KCTD16: variants seen among roughly 807,000 people sequenced by gnomAD.
KCTD16 encodes the protein potassium channel tetramerization domain containing 16, also known as BTB/POZ domain-containing protein KCTD16.
Under a neutral mutation model 33.2 loss-of-function variants are expected in KCTD16, and 13 were observed. The ratio of observed to expected loss-of-function variants is 0.39; its 90% CI spans 0.25 to 0.62. KCTD16 has a LOEUF of 0.62. Among genes scored for constraint, KCTD16 ranks in the 20% least tolerant of loss-of-function variants. The pLI, the probability that KCTD16 is intolerant of heterozygous loss-of-function variation, is 0.50. For missense variants in KCTD16, 441 were observed against 525.1 expected (o/e 0.84, Z 1.57); for synonymous variants, 197 against 195.3 (o/e 1.01, Z -0.07).
intron 3 of KCTD16, among the ~76,000 whole-genome samples, chr5:144,237,226 C>G (rs1016159487): frequency 3.9e-5 from 6 of 152,046 alleles, no homozygotes; most frequent in African/African-American, 1.4e-4. Context: ...ATATGAAGCA[C>G]TAAAATAATT....
Position 144,485,390 on chromosome 5 carries a change from T to C in KCTD16, c.*11276T>C, listed in dbSNP as rs1754785116. 1 of 151,944 alleles carries C rather than the reference T, an allele frequency of 6.6e-6. No individual in the cohort carries two copies. The highest frequency in any genetic ancestry group is 1.5e-5 in the Non-Finnish European group (1 of 67,910). The allele number at this position is 151,944 out of a possible 1,614,324, so 9.4% of individuals were successfully genotyped here. On this transcript the variant is annotated 3_prime_UTR_variant, in exon 4 of 4. Coordinates refer to ENST00000512467, the MANE Select transcript of KCTD16 (RefSeq NM_020768.4). ...CCAATGGAAACAAACTACTCTTTTCTTTGGATTCATTGATGGATATAAAAA... is the reference window on the plus strand; with the variant it reads ...CCAATGGAAACAAACTACTCTTTTCCTTGGATTCATTGATGGATATAAAAA...
intron 3 of KCTD16, among the ~76,000 whole-genome samples, chr5:144,253,417 G>T (rs899922806): frequency 3.9e-5 from 6 of 152,156 alleles, no homozygotes; most frequent in Non-Finnish European, 8.8e-5. Context: ...TGTTTCCTGT[G>T]TTCTTGTATC....
intron 3 of KCTD16, among the ~76,000 whole-genome samples, chr5:144,369,019 C>T (rs1218577842): frequency 6.6e-6 from 1 of 152,192 alleles, no homozygotes; most frequent in Non-Finnish European, 1.5e-5. Context: ...AGGACTGCCT[C>T]ATCATCCTGG....
intron 3 of KCTD16, among the ~76,000 whole-genome samples, chr5:144,439,708 C>A (rs1323029524): frequency 6.6e-6 from 1 of 152,132 alleles, no homozygotes; most frequent in Non-Finnish European, 1.5e-5. Context: ...CTGAGTGTGA[C>A]CCCAGAAGCC....
chr5:144,175,374 G>A (rs1752483159), intron 2 of KCTD16, among the ~76,000 whole-genome samples: 1 of 152,164 alleles, frequency 6.6e-6, no homozygotes, highest in African/African-American at 2.4e-5. Context: ...AAATGTGAAT[G>A]AAGAAAAGTC....
intron 2 of KCTD16, among the ~76,000 whole-genome samples, chr5:144,187,269 A>G (rs1752746546): frequency 6.6e-6 from 1 of 152,178 alleles, no homozygotes; most frequent in African/African-American, 2.4e-5. Context: ...CATTATTGTA[A>G]TAGTTGTTAC....
intron 3 of KCTD16, among the ~76,000 whole-genome samples, chr5:144,360,984 A>G (rs1751699115): frequency 6.6e-6 from 1 of 151,274 alleles, no homozygotes. Flanking sequence ...TACATGTGCC[A>G]TGCTGGTGTG....
At chr5:144,359,489 TAAG>T (rs1256786562) in intron 3 of KCTD16, among the ~76,000 whole-genome samples, 4 of 152,216 alleles carry the variant, frequency 2.6e-5, no homozygotes, top group Middle Eastern at 6.8e-3. Context: ...ATTATACTAA[TAAG>T]AAGTTTGCTG....
At chr5:144,295,135 A>G (rs1335648908) in intron 3 of KCTD16, among the ~76,000 whole-genome samples, 1 of 152,188 alleles carries the variant, frequency 6.6e-6, no homozygotes, top group Non-Finnish European at 1.5e-5. Context: ...AACTGCTTTT[A>G]ATCAAATAAA....
chr5:144,244,126 CT>C (rs1434565736), intron 3 of KCTD16, among the ~76,000 whole-genome samples: 1 of 152,166 alleles, frequency 6.6e-6, no homozygotes, highest in Non-Finnish European at 1.5e-5. Flanking sequence ...AGACTCCCCA[CT>C]CTTTGGGGGA....
intron 3 of KCTD16, among the ~76,000 whole-genome samples, chr5:144,387,372 T>A (rs1421833129): frequency 2.6e-5 from 4 of 152,028 alleles, no homozygotes; most frequent in Non-Finnish European, 5.9e-5. Flanking sequence ...AGGAGCTCCT[T>A]TTTTGAGAAA....
intron 3 of KCTD16, among the ~76,000 whole-genome samples, chr5:144,398,435 A>G (rs990614669): frequency 6.6e-6 from 1 of 152,162 alleles, no homozygotes; most frequent in African/African-American, 2.4e-5. Context: ...TTAAGCCAAC[A>G]TGATTATGAG....
rs919712038 is a variant in KCTD16, at chr5:144,475,307, G to C, written c.*1193G>C. On this transcript the variant is annotated 3_prime_UTR_variant, in exon 4 of 4. Coordinates refer to ENST00000512467, the MANE Select transcript of KCTD16 (RefSeq NM_020768.4). ...TTGTAGCCGTTTTTGTTTGCCTTTG[G>C]GATTCGGGCTTTGGCTGTGCCCATG... 8 of 152,100 alleles carry C rather than the reference G, an allele frequency of 5.3e-5. No individual in the cohort carries two copies. Among genetic ancestry groups the C allele is most frequent in the Admixed American group, 4.6e-4 (7 of 15,264 alleles). 9.4% of individuals were successfully genotyped at this position (152,100 alleles called of 1,614,324 possible). A position where few individuals can be genotyped will look rare whatever the true frequency, so the allele number is the denominator to read the frequency against.
intron 3 of KCTD16, among the ~76,000 whole-genome samples, chr5:144,433,198 C>CT (rs1002116595): frequency 6.6e-6 from 1 of 152,026 alleles, no homozygotes; most frequent in East Asian, 1.9e-4. Flanking sequence ...AATTACTTGG[C>CT]TTTTTTGGCC....
At chr5:144,247,039 T>A (rs565283608) in intron 3 of KCTD16, among the ~76,000 whole-genome samples, 53 of 152,386 alleles carry the variant, frequency 3.5e-4, no homozygotes, top group African/African-American at 1.3e-3. Context: ...ATTGTGAGAA[T>A]TAACTTAGTT....
At chr5:144,416,447 A>C (rs1340370656) in intron 3 of KCTD16, among the ~76,000 whole-genome samples, 5 of 152,196 alleles carry the variant, frequency 3.3e-5, no homozygotes, top group Admixed American at 3.3e-4. Flanking sequence ...AATGTTATGA[A>C]GATTGAATGA....
At chr5:144,419,107 C>A (rs549102354) in intron 3 of KCTD16, among the ~76,000 whole-genome samples, 32 of 152,294 alleles carry the variant, frequency 2.1e-4, no homozygotes, top group African/African-American at 6.7e-4. Flanking sequence ...GCTCAAAATA[C>A]TACTCTTACG....
chr5:144,207,082 C>T lies in KCTD16; in HGVS notation c.368C>T (p.Thr123Ile). Residue 123 changes from threonine to isoleucine, a missense_variant, in exon 3 of 4, where the codon ACC (threonine) becomes ATC (isoleucine). Around this residue, in one of 3 missense-constraint regions of KCTD16, gnomAD observed 355 missense variants for 413.0 expected, o/e 0.86. Coordinates refer to ENST00000512467, the MANE Select transcript of KCTD16 (RefSeq NM_020768.4). ...FQLPDLVKLL[T>I]PDEIKQSPDE... Reference sequence around the variant, plus strand: ...CTCCCAGACTTGGTCAAACTCCTGACCCCCGATGAAATCAAGCAAAGCCCA... The same window carrying T: ...CTCCCAGACTTGGTCAAACTCCTGATCCCCGATGAAATCAAGCAAAGCCCA... 3.1e-6 allele frequency: 5 copies of T among 1,611,770 alleles called. No individual in the cohort carries two copies. The highest frequency in any genetic ancestry group is 4.2e-6 in the Non-Finnish European group (5 of 1,179,072).
intron 3 of KCTD16, among the ~76,000 whole-genome samples, chr5:144,333,095 G>A (rs978185325): frequency 6.6e-6 from 1 of 151,992 alleles, no homozygotes; most frequent in African/African-American, 2.4e-5. Context: ...ATTTGAGTGG[G>A]GACACAGCCA....
Sources: allele counts gnomAD v4.1 joint callset (sites outside exome capture counted in the v4.1 genomes callset), GRCh38; gene constraint gnomAD v4.1.1; regional missense constraint gnomAD v4.1.1; transcripts MANE v1.5; gene names NCBI Gene and HGNC (gene_info 2026-07-23, HGNC 2026-07-21).